RIMBP2: variants seen among roughly 807,000 people sequenced by gnomAD.
RIMBP2 encodes RIMS binding protein 2, also known as RIMS-binding protein 2.
In RIMBP2, 48 loss-of-function variants were observed where a neutral mutation model predicts 118.6. The observed-to-expected ratio is 0.40, with a 90% CI of 0.32 to 0.51. The LOEUF (loss-of-function observed/expected upper bound fraction) is 0.51, where lower values mean the gene tolerates loss of function less well. Among genes scored for constraint, RIMBP2 ranks in the 20% least tolerant of loss-of-function variants. The probability of loss-of-function intolerance (pLI) is 0.41; values close to 1 mark genes in which losing one functional copy is unlikely to be tolerated. For missense variants in RIMBP2, 1,551 were observed against 1,768.3 expected (o/e 0.88, Z 2.20); for synonymous variants, 762 against 742.9 (o/e 1.03, Z -0.42).
At chr12:130,571,519 A>G (rs2057659451) in intron 2 of RIMBP2, among the ~76,000 whole-genome samples, 1 of 150,950 alleles carries the variant, frequency 6.6e-6, no homozygotes, top group Non-Finnish European at 1.5e-5. Context: ...TCCCAGGTTC[A>G]AGCGATTCTC....
intron 1 of RIMBP2, among the ~76,000 whole-genome samples, chr12:130,690,098 T>G (rs1409503238): frequency 6.6e-6 from 1 of 152,180 alleles, no homozygotes; most frequent in Non-Finnish European, 1.5e-5. Context: ...GTCTTCAAAG[T>G]CAGCAAGGGC....
chr12:130,537,257 G>C (rs572925971), intron 2 of RIMBP2, among the ~76,000 whole-genome samples: 1 of 152,300 alleles, frequency 6.6e-6, no homozygotes, highest in South Asian at 2.1e-4. Context: ...AAGCAGACAC[G>C]AGGCCATAGT....
Position 130,531,268 on chromosome 12 carries a change from T to G in RIMBP2, c.-216-13351A>C, listed in dbSNP as rs577156759. The stretch of plus-strand genomic sequence containing the variant: ...AACGTTTACAAAGTACACATACCTG[T>G]ATAACCATGACCCAGATGAAGAAGT... On this transcript the variant is annotated intron_variant, in intron 2 of 22. Transcript: ENST00000690449. Among the ~76,000 whole-genome samples, 3 of 152,296 alleles carry G rather than the reference T, an allele frequency of 2.0e-5. No individual in the cohort carries two copies. In the South Asian group the frequency reaches 6.2e-4, roughly 32 times the overall value.
intron 2 of RIMBP2, among the ~76,000 whole-genome samples, chr12:130,521,627 G>A (rs1415752105): frequency 6.6e-6 from 1 of 152,154 alleles, no homozygotes; most frequent in Non-Finnish European, 1.5e-5. Flanking sequence ...GAGTGCTAGT[G>A]GTCGAGTGTG....
At chr12:130,401,437 G>T (rs1483947736) in intron 21 of RIMBP2, among the ~76,000 whole-genome samples, 1 of 151,920 alleles carries the variant, frequency 6.6e-6, no homozygotes. Flanking sequence ...ATTTTATGTA[G>T]ATTTTATCAC....
rs140205415 is a variant in RIMBP2, at chr12:130,512,851, T to C, written c.-127+4977A>G. On this transcript the variant is annotated intron_variant, in intron 3 of 22. Transcript: ENST00000690449. ...TGCAAGATGAACAACAGTTCCCTCT[T>C]ATGCGATTTTTTTTAGAGAATAATA... 4.3e-3 allele frequency among the ~76,000 whole-genome samples: 659 copies of C among 152,328 alleles called. 5 individuals carry two copies. The highest frequency in any genetic ancestry group is 0.015 in the African/African-American group (622 of 41,570).
chr12:130,640,634 C>G (rs1454804395), intron 1 of RIMBP2, among the ~76,000 whole-genome samples: 1 of 152,208 alleles, frequency 6.6e-6, no homozygotes, highest in Non-Finnish European at 1.5e-5. Flanking sequence ...ATGACCTGCG[C>G]TTGTTACGAG....
intron 4 of RIMBP2, among the ~76,000 whole-genome samples, chr12:130,495,953 G>GA (rs1302869506): frequency 6.6e-6 from 1 of 152,224 alleles, no homozygotes; most frequent in Non-Finnish European, 1.5e-5. Context: ...CAAAGTCTTT[G>GA]AATTAGGTCA....
intron 2 of RIMBP2, among the ~76,000 whole-genome samples, chr12:130,624,341 A>G (rs1045959653): frequency 6.6e-6 from 1 of 152,250 alleles, no homozygotes; most frequent in African/African-American, 2.4e-5. Context: ...AAATATATAA[A>G]TTTAGTATGT....
Position 130,604,404 on chromosome 12 carries a change from C to T in RIMBP2, c.-217+23918G>A, listed in dbSNP as rs150301208. Among the ~76,000 whole-genome samples the T allele has an allele frequency of 7.6e-3, 1,127 of 148,730 alleles. 38 individuals carry two copies. Among genetic ancestry groups the T allele is most frequent in the Admixed American group, 0.064 (943 of 14,804 alleles). On this transcript the variant is annotated intron_variant, in intron 2 of 22. Coordinates refer to ENST00000690449, the MANE Select transcript of RIMBP2 (RefSeq NM_001393629.1). Reference sequence around the variant, plus strand: ...ATGTTTTAGGCTACTCAGTGCGGCCCGAGTGTTCAGTGTCCATAAAGCCTA... The same window carrying T: ...ATGTTTTAGGCTACTCAGTGCGGCCTGAGTGTTCAGTGTCCATAAAGCCTA...
Position 130,445,041 on chromosome 12 carries a change from G to C in RIMBP2, c.691+119C>G, listed in dbSNP as rs2078413703. On this transcript the variant is annotated intron_variant, in intron 10 of 22. Transcript: ENST00000690449. Reference sequence around the variant, plus strand: ...CGGAGTGGGGAAGGGTCAGAGAGGAGGGCTGGGTGGCCAGGAGTATGTTGG... The same window carrying C: ...CGGAGTGGGGAAGGGTCAGAGAGGACGGCTGGGTGGCCAGGAGTATGTTGG... 9.2e-6 allele frequency: 6 copies of C among 649,202 alleles called. No homozygotes were observed. The South Asian group carries it at 1.1e-4, about 12-fold the overall frequency. The allele number at this position is 649,202 out of a possible 1,614,324, so 40.2% of individuals were successfully genotyped here. A position where few individuals can be genotyped will look rare whatever the true frequency, so the allele number is the denominator to read the frequency against.
At position 130,680,869 on chromosome 12, in the gene RIMBP2, C is replaced by T. The variant is rs148597414; in HGVS notation, c.-352+35353G>A. Among the ~76,000 whole-genome samples, 1,320 of 152,292 alleles carry T rather than the reference C, an allele frequency of 8.7e-3. 54 individuals carry two copies. Among genetic ancestry groups the T allele is most frequent in the Admixed American group, 0.07 (1,074 of 15,296 alleles). On this transcript the variant is annotated intron_variant, in intron 1 of 22. Transcript: ENST00000690449. ...GGACAGTTCCCGCCACACTTCATTT[C>T]GTGCTGTAGGGATTTTGTTGTGTGA...
intron 2 of RIMBP2, among the ~76,000 whole-genome samples, chr12:130,602,636 G>A (rs539275819): frequency 6.6e-6 from 1 of 152,196 alleles, no homozygotes; most frequent in Non-Finnish European, 1.5e-5. Flanking sequence ...GGTAGCAAAC[G>A]TGTACTTTGA....
In RIMBP2 at chr12:130,469,625, A is replaced by G. The variant is rs1225096947; in HGVS notation, c.153+1068T>C. Among the ~76,000 whole-genome samples, 3 of 152,270 alleles carry G rather than the reference A, an allele frequency of 2.0e-5. No homozygotes were observed. Among genetic ancestry groups the G allele is most frequent in the East Asian group, 3.9e-4 (2 of 5,172 alleles). On this transcript the variant is annotated intron_variant, in intron 6 of 22. Transcript: ENST00000690449. The surrounding 1 kb of genome is among the most constrained non-coding windows in gnomAD (Gnocchi z 4.8). The stretch of plus-strand genomic sequence containing the variant: ...ACTAATGGAGGCTTTCAGAAAATCC[A>G]TTTTAATATATAGGATGATAATGAT...
intron 5 of RIMBP2, among the ~76,000 whole-genome samples, chr12:130,474,293 T>C (rs186487429): frequency 1.2e-3 from 187 of 152,308 alleles, no homozygotes; most frequent in African/African-American, 4.3e-3. Context: ...CCACAGGCAT[T>C]TACTGAATGT....
chr12:130,593,752 G>A lies in RIMBP2; in HGVS notation c.-217+34570C>T, dbSNP rs138945355. 3.5e-3 allele frequency among the ~76,000 whole-genome samples: 526 copies of A among 152,308 alleles called. 2 individuals are homozygous for A. Among genetic ancestry groups the A allele is most frequent in the African/African-American group, 0.012 (496 of 41,572 alleles). On this transcript the variant is annotated intron_variant, in intron 2 of 22. Transcript: ENST00000690449. Reference sequence around the variant, plus strand: ...GCCAAGCACAGTGTGTCTGTCTGAAGGCAACATTTGCTGATCGACCTCTCA... The same window carrying A: ...GCCAAGCACAGTGTGTCTGTCTGAAAGCAACATTTGCTGATCGACCTCTCA...
intron 1 of RIMBP2, among the ~76,000 whole-genome samples, chr12:130,684,077 C>A (rs2064934912): frequency 6.6e-6 from 1 of 152,184 alleles, no homozygotes; most frequent in Non-Finnish European, 1.5e-5. Context: ...CTGAAGCCTG[C>A]TGTCTGGAGG....
At chr12:130,413,534 G>A (rs927366649) in intron 18 of RIMBP2, among the ~76,000 whole-genome samples, 2 of 151,608 alleles carry the variant, frequency 1.3e-5, no homozygotes, top group African/African-American at 2.4e-5. Context: ...TCGGGAGGCT[G>A]AGGCAGGAGA....
chr12:130,559,749 G>A (rs1410195931), intron 2 of RIMBP2, among the ~76,000 whole-genome samples: 1 of 152,140 alleles, frequency 6.6e-6, no homozygotes, highest in Non-Finnish European at 1.5e-5. Flanking sequence ...GAGACTAAGG[G>A]TGCTGGCTTG....
Sources: gnomAD v4.1 joint callset for allele counts (sites outside exome capture counted in the v4.1 genomes callset) on GRCh38, gnomAD v4.1.1 for gene constraint, Gnocchi (gnomAD v3.1) non-coding constraint, MANE v1.5 for transcripts, NCBI Gene and HGNC (gene_info 2026-07-23, HGNC 2026-07-21) for gene names.